Variants in TRIM71 observed in about 807,000 individuals in gnomAD.
TRIM71 encodes the protein tripartite motif containing 71.
Under a neutral mutation model 61.2 loss-of-function variants are expected in TRIM71, and 9 were observed. That is an observed-to-expected ratio of 0.15 (90% CI 0.09 to 0.26). TRIM71 has a LOEUF of 0.26. Ranked by LOEUF, TRIM71 falls within the 10% of genes least tolerant of loss-of-function variation. The probability of loss-of-function intolerance (pLI) is 1.00; values close to 1 mark genes in which losing one functional copy is unlikely to be tolerated. For synonymous variants in TRIM71, 645 were observed against 553.2 expected (o/e 1.17, Z -2.33); for missense variants, 998 against 1,238.7 (o/e 0.81, Z 2.92).
At chr3:32,884,040 G>C (rs2125691664) in intron 2 of TRIM71, among the ~76,000 whole-genome samples, 1 of 152,266 alleles carries the variant, frequency 6.6e-6, no homozygotes, top group Admixed American at 6.5e-5. Flanking sequence ...TGGATCCTTA[G>C]GTCACACAGG....
chr3:32,846,616 T>A (rs1453276572), intron 1 of TRIM71, among the ~76,000 whole-genome samples: 1 of 152,144 alleles, frequency 6.6e-6, no homozygotes, highest in East Asian at 1.9e-4. Flanking sequence ...TAACTGAAAC[T>A]TTTAACCGAC....
At chr3:32,847,622 T>A (rs1466518957) in intron 1 of TRIM71, among the ~76,000 whole-genome samples, 1 of 152,270 alleles carries the variant, frequency 6.6e-6, no homozygotes, top group Non-Finnish European at 1.5e-5. Context: ...GTGCCTGACT[T>A]ACTGTATCCT....
intron 1 of TRIM71, among the ~76,000 whole-genome samples, chr3:32,836,194 C>T (rs376961659): frequency 1.3e-5 from 2 of 152,072 alleles, no homozygotes; most frequent in Non-Finnish European, 2.9e-5. Flanking sequence ...CACTTTGCTC[C>T]GGAGAGCTTG....
At chr3:32,873,742 G>T in intron 1 of TRIM71, 76 bp from the exon 2 acceptor site, 1 of 1,360,156 alleles carries the variant, frequency 7.4e-7, no homozygotes, top group Non-Finnish European at 9.7e-7. Context: ...TGAGAGCCAG[G>T]GCCCTCCAGT....
In TRIM71 at chr3:32,872,106, C is replaced by G. The variant is rs536598926; in HGVS notation, c.853-1712C>G. ...AGCTTGCAGTGAGCCGAGATCGCGT[C>G]GCCACTGCACTCCAGCCTGGGTGAC... On this transcript the variant is annotated intron_variant, in intron 1 of 3. Coordinates refer to ENST00000383763, the MANE Select transcript of TRIM71 (RefSeq NM_001039111.3). Among the ~76,000 whole-genome samples the G allele has an allele frequency of 3.3e-5, 5 of 152,234 alleles. No homozygotes were observed. The South Asian group carries it at 6.2e-4, about 19-fold the overall frequency.
chr3:32,879,046 T>G (rs948318112), intron 2 of TRIM71, among the ~76,000 whole-genome samples: 4 of 152,236 alleles, frequency 2.6e-5, no homozygotes, highest in African/African-American at 9.7e-5. Context: ...TCAGACTTGC[T>G]GTGTCACCTT....
At position 32,897,614 on chromosome 3, in the gene TRIM71, T is replaced by C. The variant is rs190546965; in HGVS notation, c.*5803T>C. The C allele has an allele frequency of 6.6e-6, 1 of 152,270 alleles. No individual in the cohort carries two copies. The highest frequency in any genetic ancestry group is 6.5e-5 in the Admixed American group (1 of 15,290). 9.4% of individuals were successfully genotyped at this position (152,270 alleles called of 1,614,324 possible). On this transcript the variant is annotated 3_prime_UTR_variant, in exon 4 of 4. Transcript: ENST00000383763. ...AGGCAATGAGCAGGTGAAGAACCAA[T>C]GGAAAAGTGTTCAAAAACTCCTGTG...
intron 3 of TRIM71, among the ~76,000 whole-genome samples, chr3:32,887,804 A>G (rs1284119541): frequency 1.3e-5 from 2 of 152,160 alleles, no homozygotes; most frequent in East Asian, 3.9e-4. Context: ...CTCTCCATAC[A>G]CATGTATCCT....
intron 1 of TRIM71, among the ~76,000 whole-genome samples, chr3:32,850,141 A>G (rs1331266344): frequency 1.3e-5 from 2 of 152,214 alleles, no homozygotes; most frequent in African/African-American, 4.8e-5. Flanking sequence ...AAAGGCAGGT[A>G]GTGGGACAGA....
intron 1 of TRIM71, among the ~76,000 whole-genome samples, chr3:32,821,777 G>T (rs1293057789): frequency 6.6e-6 from 1 of 151,484 alleles, no homozygotes; most frequent in Non-Finnish European, 1.5e-5. Flanking sequence ...TGCGTGCCGC[G>T]GGTCCCGGGA....
chr3:32,880,576 T>C (rs764460195), intron 2 of TRIM71, among the ~76,000 whole-genome samples: 7 of 152,200 alleles, frequency 4.6e-5, no homozygotes, highest in African/African-American at 9.7e-5. Context: ...TTGAGTTAAT[T>C]CTGGATTGTC....
chr3:32,856,887 C>T (rs529982023), intron 1 of TRIM71, among the ~76,000 whole-genome samples: 9 of 152,286 alleles, frequency 5.9e-5, no homozygotes, highest in African/African-American at 2.2e-4. Flanking sequence ...TTTTGGGTTT[C>T]ATGTACTCTC....
intron 1 of TRIM71, among the ~76,000 whole-genome samples, chr3:32,821,525 C>T (rs191693563): frequency 1.3e-5 from 2 of 152,280 alleles, no homozygotes; most frequent in Admixed American, 6.5e-5. Flanking sequence ...GAGCAATTGG[C>T]TTTAAACCGT....
intron 1 of TRIM71, among the ~76,000 whole-genome samples, chr3:32,856,017 T>TA (rs1575350310): frequency 6.6e-6 from 1 of 151,896 alleles, no homozygotes; most frequent in Non-Finnish European, 1.5e-5. Context: ...TTTATTTATT[T>TA]TTGCTTTTTT....
intron 2 of TRIM71, among the ~76,000 whole-genome samples, chr3:32,883,486 C>T (rs1173381055): frequency 2.6e-5 from 4 of 152,206 alleles, no homozygotes; most frequent in East Asian, 3.8e-4. Flanking sequence ...CATCAGTTTC[C>T]GTTTCTGCTT....
Position 32,818,437 on chromosome 3 carries a change from G to A in TRIM71, c.357G>A (p.Leu119=). The change falls in exon 1 of 4, where the codon CTG becomes CTA. Residue 119 remains leucine, a synonymous_variant. Coordinates refer to ENST00000383763, the MANE Select transcript of TRIM71 (RefSeq NM_001039111.3). ...CGTCCGCCTTCCTGCTTAGCAACCT[G>A]CTCGACGCGGTGGTGGCCACTGCCG... The part of the protein sequence containing the change: ...LPSSAFLLSN[L]LDAVVATADE... The A allele has an allele frequency of 2.0e-6, 3 of 1,473,630 alleles. No individual in the cohort carries two copies. The highest frequency in any genetic ancestry group is 2.7e-6 in the Non-Finnish European group (3 of 1,117,062). The allele number at this position is 1,473,630 out of a possible 1,614,324, so 91.3% of individuals were successfully genotyped here.
chr3:32,850,896 C>T (rs919305262), intron 1 of TRIM71, among the ~76,000 whole-genome samples: 1 of 152,204 alleles, frequency 6.6e-6, no homozygotes, highest in African/African-American at 2.4e-5. Flanking sequence ...TCTCCACCCC[C>T]ACCACCCACC....
chr3:32,861,657 C>T (rs1696669324), intron 1 of TRIM71, among the ~76,000 whole-genome samples: 2 of 152,148 alleles, frequency 1.3e-5, no homozygotes, highest in Non-Finnish European at 2.9e-5. Flanking sequence ...GCTCATTTTG[C>T]CTTTTACTTA....
chr3:32,827,313 G>T (rs1175307716), intron 1 of TRIM71, among the ~76,000 whole-genome samples: 1 of 145,544 alleles, frequency 6.9e-6, no homozygotes, highest in Non-Finnish European at 1.5e-5. Flanking sequence ...GCCTAGGCTG[G>T]AGTGTAATGG....
Sources: gnomAD v4.1 joint callset for allele counts (sites outside exome capture counted in the v4.1 genomes callset) on GRCh38, gnomAD v4.1.1 for gene constraint, MANE v1.5 for transcripts, NCBI Gene and HGNC (gene_info 2026-07-23, HGNC 2026-07-21) for gene names.